Variants in LYPD6B observed in about 807,000 individuals in gnomAD.
LYPD6B encodes the protein ly6/PLAUR domain-containing protein 6B.
Under a neutral mutation model 22.8 loss-of-function variants are expected in LYPD6B, and 17 were observed. That is an observed-to-expected ratio of 0.75 (90% CI 0.51 to 1.12). The LOEUF is 1.12. Among genes scored for constraint, LYPD6B ranks in the 50% most tolerant of loss-of-function variants. LYPD6B has a pLI of 0.00. For synonymous variants in LYPD6B, 106 were observed against 91.6 expected (o/e 1.16, Z -0.90); for missense variants, 221 against 258.3 (o/e 0.86, Z 0.99).
chr2:149,112,642 G>GTAA (rs1288336701), intron 1 of LYPD6B, among the ~76,000 whole-genome samples: 1 of 152,048 alleles, frequency 6.6e-6, no homozygotes, highest in Non-Finnish European at 1.5e-5. Flanking sequence ...ATCATTAATG[G>GTAA]TTAGTATGAG....
intron 1 of LYPD6B, among the ~76,000 whole-genome samples, chr2:149,116,237 C>A (rs951602892): frequency 6.6e-6 from 1 of 152,126 alleles, no homozygotes; most frequent in East Asian, 1.9e-4. Flanking sequence ...TGCCTAATTT[C>A]TAAATTAAAC....
intron 1 of LYPD6B, among the ~76,000 whole-genome samples, chr2:149,079,828 A>T (rs1685043452): frequency 1.3e-5 from 2 of 152,132 alleles, no homozygotes; most frequent in Admixed American, 6.5e-5. Flanking sequence ...ACCCACCCAG[A>T]GGGGTTAGCA....
chr2:149,073,788 C>G (rs559343550), intron 1 of LYPD6B, among the ~76,000 whole-genome samples: 1 of 151,948 alleles, frequency 6.6e-6, no homozygotes, highest in Admixed American at 6.6e-5. Context: ...CCTGGATTTG[C>G]CTGTCTCTGA....
In LYPD6B at chr2:149,160,854, A is replaced by G; in HGVS notation, c.77+19A>G. 6.5e-7 allele frequency: 1 copy of G among 1,527,656 alleles called. No individual in the cohort carries two copies. The highest frequency in any genetic ancestry group is 8.9e-7 in the Non-Finnish European group (1 of 1,126,108). 94.6% of individuals were successfully genotyped at this position (1,527,656 alleles called of 1,614,324 possible). On this transcript the variant is annotated intron_variant, in intron 3 of 6. Transcript: ENST00000409642. ...TCTCAAGGTAAGAATGGCAGCTGTT[A>G]CAACAGCCCTCGGCTTTTCATTTGG...
intron 3 of LYPD6B, among the ~76,000 whole-genome samples, chr2:149,173,178 GTT>G (rs35671707): frequency 5.4e-5 from 8 of 149,500 alleles, no homozygotes; most frequent in South Asian, 2.1e-4. Flanking sequence ...CTATTACTGT[GTT>G]TTTTTTTTTA....
chr2:149,208,744 T>C (rs554063776), intron 5 of LYPD6B, among the ~76,000 whole-genome samples: 1 of 152,342 alleles, frequency 6.6e-6, no homozygotes, highest in South Asian at 2.1e-4. Context: ...GATACATTGA[T>C]ATTTGGGAAA....
chr2:149,097,081 G>A lies in LYPD6B; in HGVS notation c.-66-33802G>A, dbSNP rs143253618. 3.6e-4 allele frequency among the ~76,000 whole-genome samples: 55 copies of A among 152,234 alleles called. No homozygotes were observed. The East Asian group carries it at 6.6e-3, about 18-fold the overall frequency. On this transcript the variant is annotated intron_variant, in intron 1 of 6. Transcript: ENST00000409642. ...GTAACATTATTATTATGCATAAAAC[G>A]CCCTAGGAGCTGTGCATTATTAGAG...
At position 149,183,865 on chromosome 2, in the gene LYPD6B, A is replaced by G. The variant is rs190663592; in HGVS notation, c.78-21388A>G. 3.3e-3 allele frequency among the ~76,000 whole-genome samples: 483 copies of G among 147,718 alleles called. 4 individuals are homozygous for G. The highest frequency in any genetic ancestry group is 0.028 in the South Asian group (133 of 4,680). ...TATGTGTATGTGTGTGTGTGTGTGT[A>G]TATATATATATATATGCCTGTATTT... On this transcript the variant is annotated intron_variant, in intron 3 of 6. Coordinates refer to ENST00000409642, the MANE Select transcript of LYPD6B (RefSeq NM_177964.5).
intron 1 of LYPD6B, among the ~76,000 whole-genome samples, chr2:149,090,199 C>T (rs1031796528): frequency 2.6e-5 from 4 of 152,168 alleles, no homozygotes; most frequent in African/African-American, 9.6e-5. Flanking sequence ...TTAAGAAAGA[C>T]TTTGTATTTC....
chr2:149,040,687 T>A (rs528820340), intron 1 of LYPD6B, among the ~76,000 whole-genome samples: 1 of 152,236 alleles, frequency 6.6e-6, no homozygotes, highest in Admixed American at 6.5e-5. Context: ...CAATTCCCAA[T>A]GAGAAGTCTG....
chr2:149,079,158 T>C (rs1252868022), intron 1 of LYPD6B, among the ~76,000 whole-genome samples: 1 of 151,998 alleles, frequency 6.6e-6, no homozygotes, highest in Non-Finnish European at 1.5e-5. Flanking sequence ...CTCTAAGCTC[T>C]GTGAGGGCGG....
chr2:149,148,393 G>A (rs1352364132), intron 2 of LYPD6B, among the ~76,000 whole-genome samples: 1 of 152,214 alleles, frequency 6.6e-6, no homozygotes, highest in East Asian at 1.9e-4. Flanking sequence ...TCGGATCTTT[G>A]CCAAACTACA....
intron 2 of LYPD6B, among the ~76,000 whole-genome samples, chr2:149,145,257 T>C (rs944055481): frequency 6.6e-5 from 10 of 152,164 alleles, no homozygotes; most frequent in African/African-American, 2.4e-4. Context: ...ATTCACAGCA[T>C]ATTTAGAGAG....
intron 3 of LYPD6B, among the ~76,000 whole-genome samples, chr2:149,179,272 A>G (rs917895004): frequency 2.6e-5 from 4 of 152,254 alleles, no homozygotes; most frequent in African/African-American, 9.6e-5. Context: ...GCAGTTATGC[A>G]GATAATTTTC....
intron 2 of LYPD6B, among the ~76,000 whole-genome samples, chr2:149,133,599 A>G (rs943194754): frequency 1.3e-5 from 2 of 152,250 alleles, no homozygotes; most frequent in Non-Finnish European, 2.9e-5. Flanking sequence ...AAATACATTC[A>G]CATGTCGGCT....
rs930668598 is a variant in LYPD6B, at chr2:149,114,670, C to A, written c.-66-16213C>A. Among the ~76,000 whole-genome samples the A allele has an allele frequency of 3.9e-5, 6 of 152,216 alleles. 1 individual carries two copies. Among genetic ancestry groups the A allele is most frequent in the Admixed American group, 3.9e-4 (6 of 15,282 alleles). ...GTGTTCTTAGGAAAACCCAAGCGTTCTTCCATCCTAAGCCTTTCTGGCTTT... is the reference window on the plus strand; with the variant it reads ...GTGTTCTTAGGAAAACCCAAGCGTTATTCCATCCTAAGCCTTTCTGGCTTT... On this transcript the variant is annotated intron_variant, in intron 1 of 6. Coordinates refer to ENST00000409642, the MANE Select transcript of LYPD6B (RefSeq NM_177964.5).
chr2:149,144,550 C>T (rs930985867), intron 2 of LYPD6B, among the ~76,000 whole-genome samples: 2 of 152,108 alleles, frequency 1.3e-5, no homozygotes, highest in African/African-American at 4.8e-5. Context: ...CGCCACCACG[C>T]CTGGCTAATT....
At chr2:149,161,208 C>T (rs1220631125) in intron 3 of LYPD6B, among the ~76,000 whole-genome samples, 1 of 152,122 alleles carries the variant, frequency 6.6e-6, no homozygotes, top group Non-Finnish European at 1.5e-5. Flanking sequence ...TCAAAAGTGT[C>T]TGCATTAAGT....
At position 149,120,377 on chromosome 2, in the gene LYPD6B, A is replaced by ATTTTTT. The variant is rs1343156188; in HGVS notation, c.-66-10505_-66-10504insTTTTTT. 1.0e-3 allele frequency among the ~76,000 whole-genome samples: 43 copies of ATTTTTT among 43,126 alleles called. 4 individuals carry two copies. Among genetic ancestry groups the ATTTTTT allele is most frequent in the African/African-American group, 1.4e-3 (10 of 7,190 alleles). The allele number at this position is 43,126 out of a possible 152,430, so 28.3% of individuals were successfully genotyped here. A position where few individuals can be genotyped will look rare whatever the true frequency, so the allele number is the denominator to read the frequency against. On this transcript the variant is annotated intron_variant, in intron 1 of 6. Coordinates refer to ENST00000409642, the MANE Select transcript of LYPD6B (RefSeq NM_177964.5). ...TGTGTGTGTGTATATATATATATATATATATATTTTTTTTTTTTTTTTTTT... is the reference window on the plus strand; with the variant it reads ...TGTGTGTGTGTATATATATATATATATTTTTTTATATATTTTTTTTTTTTTTTTTTT...
Sources: gnomAD v4.1 joint callset for allele counts (sites outside exome capture counted in the v4.1 genomes callset) on GRCh38, gnomAD v4.1.1 for gene constraint, MANE v1.5 for transcripts, NCBI Gene and HGNC (gene_info 2026-07-23, HGNC 2026-07-21) for gene names.